Variants in PGCKA1 observed in about 807,000 individuals in gnomAD.
PGCKA1 encodes the protein PDCD10 and GCKIII kinases associated 1, also known as PDCD10 and GCKIII kinases-associated protein 1.
At chr4:37,496,009 T>C in the PGCKA1 span, among the ~76,000 whole-genome samples, 1 of 152,012 alleles carries the variant, frequency 6.6e-6, no homozygotes, top group Non-Finnish European at 1.5e-5. Context: ...GGCAAAAAAA[T>C]TTTTTTTACC....
chr4:37,484,843 G>C, the PGCKA1 span, among the ~76,000 whole-genome samples: 1 of 152,124 alleles, frequency 6.6e-6, no homozygotes, highest in Non-Finnish European at 1.5e-5. Context: ...CTTTGATCTT[G>C]GACTTCCCAA....
chr4:37,485,761 T>G, the PGCKA1 span, among the ~76,000 whole-genome samples: 1 of 152,144 alleles, frequency 6.6e-6, no homozygotes, highest in Admixed American at 6.5e-5. Flanking sequence ...GGTCAAAAGA[T>G]GTTTAGTTTG....
At chr4:37,575,638 C>T in the PGCKA1 span, among the ~76,000 whole-genome samples, 1 of 152,114 alleles carries the variant, frequency 6.6e-6, no homozygotes, top group African/African-American at 2.4e-5. Context: ...GCTTTGGGTG[C>T]CTTTGTTTCT....
chr4:37,571,880 C>T, the PGCKA1 span, among the ~76,000 whole-genome samples: 3 of 152,126 alleles, frequency 2.0e-5, no homozygotes, highest in South Asian at 6.2e-4. Flanking sequence ...GATCCTCCCA[C>T]CTCGGCCTCC....
At chr4:37,458,395 C>T in the PGCKA1 span, among the ~76,000 whole-genome samples, 1 of 151,992 alleles carries the variant, frequency 6.6e-6, no homozygotes, top group East Asian at 1.9e-4. Context: ...AATCACCCCA[C>T]ACGTAATGGC....
the PGCKA1 span, among the ~76,000 whole-genome samples, chr4:37,571,346 A>C: frequency 7.3e-6 from 1 of 137,870 alleles, no homozygotes; most frequent in African/African-American, 2.8e-5. Flanking sequence ...ATTTATAGAG[A>C]CTATTATCCT....
the PGCKA1 span, among the ~76,000 whole-genome samples, chr4:37,520,719 G>A: frequency 2.0e-5 from 3 of 152,188 alleles, no homozygotes; most frequent in East Asian, 1.9e-4. Flanking sequence ...CTGGCTTCCC[G>A]CCATTCTCCT....
At chr4:37,460,701 AT>A in the PGCKA1 span, 1 of 386,894 alleles carries the variant, frequency 2.6e-6, no homozygotes. Flanking sequence ...TTTCTTGTAA[AT>A]TTGTTTAAGT....
At chr4:37,482,817 T>C in the PGCKA1 span, among the ~76,000 whole-genome samples, 1 of 152,286 alleles carries the variant, frequency 6.6e-6, no homozygotes, top group South Asian at 2.1e-4. Flanking sequence ...GTGCCCTGTA[T>C]CTCAGCTGCT....
chr4:37,516,354 C>T, the PGCKA1 span, among the ~76,000 whole-genome samples: 7 of 152,190 alleles, frequency 4.6e-5, no homozygotes, highest in Non-Finnish European at 1.0e-4. Context: ...TGACCGAAAT[C>T]GATGTTTTCC....
At chr4:37,517,426 C>T in the PGCKA1 span, among the ~76,000 whole-genome samples, 1 of 151,634 alleles carries the variant, frequency 6.6e-6, no homozygotes, top group Non-Finnish European at 1.5e-5. Context: ...GACTGTGTTT[C>T]AATGGTTCTC....
At chr4:37,550,862 T>C in the PGCKA1 span, among the ~76,000 whole-genome samples, 1 of 152,198 alleles carries the variant, frequency 6.6e-6, no homozygotes, top group African/African-American at 2.4e-5. Context: ...CAGTTCCTGA[T>C]GAATTACCGG....
At chr4:37,487,366 C>T in the PGCKA1 span, among the ~76,000 whole-genome samples, 1 of 152,164 alleles carries the variant, frequency 6.6e-6, no homozygotes, top group Non-Finnish European at 1.5e-5. Context: ...ATCCCTCTAT[C>T]AAGTAATGTA....
chr4:37,585,366 G>T, the PGCKA1 span, among the ~76,000 whole-genome samples: 1 of 93,844 alleles, frequency 1.1e-5, no homozygotes, highest in East Asian at 2.9e-4. Flanking sequence ...GAGGGGAGGG[G>T]AGAGGAGAGG....
At chr4:37,499,918 CTTTTTTTTT>C in the PGCKA1 span, among the ~76,000 whole-genome samples, 1 of 79,252 alleles carries the variant, frequency 1.3e-5, no homozygotes, top group African/African-American at 5.5e-5. Flanking sequence ...GTCTTCCTAA[CTTTTTTTTT>C]TTTTTTTTTT....
the PGCKA1 span, among the ~76,000 whole-genome samples, chr4:37,500,160 G>A: frequency 2.6e-5 from 4 of 152,044 alleles, no homozygotes; most frequent in Non-Finnish European, 4.4e-5. Flanking sequence ...TGCTGACCTC[G>A]TGATCTGTCC....
the PGCKA1 span, among the ~76,000 whole-genome samples, chr4:37,499,305 G>A: frequency 2.0e-5 from 3 of 152,154 alleles, no homozygotes; most frequent in Non-Finnish European, 4.4e-5. Context: ...GCCTCTGCCA[G>A]CTTTTGGTAG....
the PGCKA1 span, among the ~76,000 whole-genome samples, chr4:37,509,449 G>A: frequency 7.1e-6 from 1 of 141,466 alleles, no homozygotes; most frequent in Non-Finnish European, 1.5e-5. Context: ...ATGGGCGGCT[G>A]GGCAGAGACG....
At chr4:37,470,350 A>C in the PGCKA1 span, among the ~76,000 whole-genome samples, 2 of 150,656 alleles carry the variant, frequency 1.3e-5, no homozygotes, top group Non-Finnish European at 3.0e-5. Flanking sequence ...GTGGAGCCAA[A>C]GGATAAAAGG....
Sources: gnomAD v4.1 joint callset for allele counts (sites outside exome capture counted in the v4.1 genomes callset) on GRCh38, gnomAD v4.1.1 for gene constraint, MANE v1.5 for transcripts, NCBI Gene and HGNC (gene_info 2026-07-23, HGNC 2026-07-21) for gene names.